TMEM132C: variants seen among roughly 807,000 people sequenced by gnomAD.
TMEM132C encodes the protein transmembrane protein 132C.
A neutral mutation model predicts 61.4 loss-of-function variants in TMEM132C; 29 were observed. The ratio of observed to expected loss-of-function variants is 0.47; its 90% CI spans 0.35 to 0.64. The LOEUF (loss-of-function observed/expected upper bound fraction) is 0.64, where lower values mean the gene tolerates loss of function less well. Ranked by LOEUF, TMEM132C falls within the 30% of genes least tolerant of loss-of-function variation. TMEM132C has a pLI of 0.00. For missense variants in TMEM132C, 1,408 were observed against 1,476.9 expected (o/e 0.95, Z 0.76); for synonymous variants, 656 against 633.1 (o/e 1.04, Z -0.54).
intron 1 of TMEM132C, among the ~76,000 whole-genome samples, chr12:128,282,011 A>G (rs10847591): frequency 0.27 from 40,819 of 152,178 alleles, 6,551 homozygotes; most frequent in Admixed American, 0.36. Flanking sequence ...AATAAAAACT[A>G]CTCATACATA....
intron 2 of TMEM132C, among the ~76,000 whole-genome samples, chr12:128,525,782 C>G (rs1210014608): frequency 1.3e-5 from 2 of 152,180 alleles, no homozygotes; most frequent in Non-Finnish European, 2.9e-5. Flanking sequence ...TGGAGAAATA[C>G]CTGCAACTCC....
chr12:128,601,415 G>A (rs1225812837), intron 3 of TMEM132C, among the ~76,000 whole-genome samples: 5 of 152,222 alleles, frequency 3.3e-5, no homozygotes, highest in Non-Finnish European at 7.3e-5. Context: ...ATCACGAGGC[G>A]ATCACGGGGA....
intron 3 of TMEM132C, among the ~76,000 whole-genome samples, chr12:128,609,290 G>GCCTCCCTGCAACGCTGTAA (rs1565990430): frequency 1.7e-5 from 1 of 58,064 alleles, no homozygotes; most frequent in Non-Finnish European, 3.3e-5. Flanking sequence ...CAACACTGTA[G>GCCTCCCTGCAACGCTGTAA]CCCCCGCCTC....
At chr12:128,449,136 CAAAAAAAAAA>C (rs141298455) in intron 2 of TMEM132C, among the ~76,000 whole-genome samples, 8 of 50,720 alleles carry the variant, frequency 1.6e-4, no homozygotes, top group African/African-American at 3.1e-4. Flanking sequence ...GACTCTGTCT[CAAAAAAAAAA>C]AAAAAAAAAA....
intron 3 of TMEM132C, among the ~76,000 whole-genome samples, chr12:128,567,731 C>T (rs543458495): frequency 6.6e-6 from 1 of 152,258 alleles, no homozygotes; most frequent in East Asian, 1.9e-4. Flanking sequence ...ATATCGTCTC[C>T]ACCCCACTGA....
chr12:128,426,875 C>T (rs761726334), intron 2 of TMEM132C, among the ~76,000 whole-genome samples: 9 of 152,198 alleles, frequency 5.9e-5, no homozygotes, highest in Admixed American at 1.3e-4. Flanking sequence ...CTTGCTTCCA[C>T]GTTCTTTAGC....
intron 3 of TMEM132C, among the ~76,000 whole-genome samples, chr12:128,583,824 G>A (rs970987858): frequency 5.9e-5 from 9 of 152,232 alleles, no homozygotes; most frequent in African/African-American, 4.8e-5. Flanking sequence ...TTGGCAGAAA[G>A]AGCAGCATTC....
At chr12:128,694,320 A>G (rs139622341) in intron 6 of TMEM132C, among the ~76,000 whole-genome samples, 2,553 of 152,308 alleles carry the variant, frequency 0.017, 27 homozygotes, top group Non-Finnish European at 0.025. Flanking sequence ...CATCTTGGTT[A>G]CCAGGTAATT....
chr12:128,446,546 A>G (rs1048276133), intron 2 of TMEM132C, among the ~76,000 whole-genome samples: 8 of 152,228 alleles, frequency 5.3e-5, no homozygotes, highest in Non-Finnish European at 1.2e-4. Flanking sequence ...TCAGTTCTTT[A>G]ATCAACTATT....
At chr12:128,428,958 A>G (rs964619704) in intron 2 of TMEM132C, among the ~76,000 whole-genome samples, 12 of 152,200 alleles carry the variant, frequency 7.9e-5, no homozygotes, top group African/African-American at 1.7e-4. Context: ...TTTTTATTAC[A>G]TGTATTTTTC....
intron 1 of TMEM132C, among the ~76,000 whole-genome samples, chr12:128,320,045 G>T (rs796545909): frequency 1.3e-5 from 2 of 152,160 alleles, no homozygotes. Flanking sequence ...AAAAAAACCT[G>T]TTGAATCAGC....
chr12:128,621,373 G>A (rs1010269154), intron 4 of TMEM132C, among the ~76,000 whole-genome samples: 3 of 152,208 alleles, frequency 2.0e-5, no homozygotes, highest in Admixed American at 6.5e-5. Flanking sequence ...AATGACTGGT[G>A]TACACAAGGA....
intron 1 of TMEM132C, among the ~76,000 whole-genome samples, chr12:128,410,223 A>G (rs1195767945): frequency 6.6e-6 from 1 of 152,182 alleles, no homozygotes; most frequent in African/African-American, 2.4e-5. Flanking sequence ...GAATAGTGAA[A>G]GGAATTTTCA....
chr12:128,481,864 T>G (rs1249160109), intron 2 of TMEM132C, among the ~76,000 whole-genome samples: 1 of 152,122 alleles, frequency 6.6e-6, no homozygotes, highest in Non-Finnish European at 1.5e-5. Flanking sequence ...AGGAAATGAA[T>G]GTAAGACCAC....
intron 1 of TMEM132C, among the ~76,000 whole-genome samples, chr12:128,356,601 T>C (rs1740825897): frequency 6.6e-6 from 1 of 152,230 alleles, no homozygotes; most frequent in South Asian, 2.1e-4. Flanking sequence ...GCATGTTAAG[T>C]AGGTTCAGCA....
Position 128,414,853 on chromosome 12 carries a change from G to A in TMEM132C, c.207G>A (p.Gln69=), listed in dbSNP as rs1424098624. Residue 69 remains glutamine (Q), a synonymous_variant, in exon 2 of 9, where the codon CAG becomes CAA. Coordinates refer to ENST00000435159, the MANE Select transcript of TMEM132C (RefSeq NM_001136103.3). ...CCTTCTTCCTCAAGGAAGCCAACCAGGACCTGCTGCGGAACTCCAGCCTGC... is the reference window on the plus strand; with the variant it reads ...CCTTCTTCCTCAAGGAAGCCAACCAAGACCTGCTGCGGAACTCCAGCCTGC... The part of the protein sequence containing the change: ...ETSFFLKEAN[Q]DLLRNSSLQA... 4.5e-6 allele frequency: 7 copies of A among 1,550,288 alleles called. No homozygotes were observed. The highest frequency in any genetic ancestry group is 3.5e-6 in the Non-Finnish European group (4 of 1,147,100).
At chr12:128,489,483 G>A (rs958654744) in intron 2 of TMEM132C, among the ~76,000 whole-genome samples, 1 of 151,488 alleles carries the variant, frequency 6.6e-6, no homozygotes, top group African/African-American at 2.4e-5. Flanking sequence ...CTGAGAGAGC[G>A]TGAGAAGGAG....
chr12:128,689,571 C>G (rs1954703474), intron 5 of TMEM132C, among the ~76,000 whole-genome samples: 1 of 152,080 alleles, frequency 6.6e-6, no homozygotes, highest in African/African-American at 2.4e-5. Context: ...CTGAGATGCA[C>G]AAAAACCATA....
chr12:128,351,341 A>G (rs1262270015), intron 1 of TMEM132C, among the ~76,000 whole-genome samples: 2 of 152,140 alleles, frequency 1.3e-5, no homozygotes, highest in African/African-American at 4.8e-5. Context: ...GTAGAAGGTA[A>G]TTATATTAGT....
Sources: gnomAD v4.1 joint callset for allele counts (sites outside exome capture counted in the v4.1 genomes callset) on GRCh38, gnomAD v4.1.1 for gene constraint, MANE v1.5 for transcripts, NCBI Gene and HGNC (gene_info 2026-07-23, HGNC 2026-07-21) for gene names.